Variants in ZNF33A observed in about 807,000 individuals in gnomAD.
ZNF33A encodes zinc finger protein 33A.
Under a neutral mutation model 15.9 loss-of-function variants are expected in ZNF33A, and 9 were observed. That is an observed-to-expected ratio of 0.57 (90% CI 0.34 to 0.99). The LOEUF (loss-of-function observed/expected upper bound fraction) is 0.99. ZNF33A is among the 50% of genes least tolerant of loss of function. The probability of loss-of-function intolerance (pLI) is 0.02; values close to 1 mark genes in which losing one functional copy is unlikely to be tolerated. For synonymous variants in ZNF33A, 294 were observed against 324.2 expected (o/e 0.91, Z 1.00); for missense variants, 843 against 941.6 (o/e 0.90, Z 1.37).
chr10:38,028,178 G>A (rs1198294081), intron 4 of ZNF33A, among the ~76,000 whole-genome samples: 4 of 151,854 alleles, frequency 2.6e-5, no homozygotes, highest in Non-Finnish European at 4.4e-5. Flanking sequence ...TGAGGGAGGA[G>A]GATCCCTTGA....
At chr10:38,063,157 T>C (rs554523824), downstream of ZNF33A, among the ~76,000 whole-genome samples, 1 of 152,266 alleles carries the variant, frequency 6.6e-6, no homozygotes, top group South Asian at 2.1e-4. Context: ...CTGGCATCTT[T>C]GCAGATACAA....
intron 4 of ZNF33A, among the ~76,000 whole-genome samples, chr10:38,036,842 C>T (rs1351042040): frequency 6.6e-6 from 1 of 152,198 alleles, no homozygotes; most frequent in East Asian, 1.9e-4. Flanking sequence ...CTAGAGAACT[C>T]CCAAAACTAT....
Position 38,038,323 on chromosome 10 carries a change from AC to A in ZNF33A, c.251-16050del, listed in dbSNP as rs199942779. Among the ~76,000 whole-genome samples, 460 of 151,784 alleles carry A rather than the reference AC, an allele frequency of 3.0e-3. 5 individuals carry two copies. The highest frequency in any genetic ancestry group is 0.01 in the African/African-American group (433 of 41,362). ...CACCATGTTGGCTGGGCTGGTCTCAACCTCCTGACGTCAGGTGATCCAGCCA... is the reference window on the plus strand; with the variant it reads ...CACCATGTTGGCTGGGCTGGTCTCAACTCCTGACGTCAGGTGATCCAGCCA... On this transcript the variant is annotated intron_variant, in intron 4 of 4. Transcript: ENST00000432900.
intron 4 of ZNF33A, among the ~76,000 whole-genome samples, chr10:38,052,103 A>C (rs2066236080): frequency 6.6e-6 from 1 of 152,156 alleles, no homozygotes; most frequent in Non-Finnish European, 1.5e-5. Flanking sequence ...TGATAGTGTA[A>C]TATATACTAC....
intron 4 of ZNF33A, among the ~76,000 whole-genome samples, chr10:38,047,997 A>G (rs2066031471): frequency 6.6e-6 from 1 of 152,242 alleles, no homozygotes; most frequent in African/African-American, 2.4e-5. Context: ...ATGAGGCAAC[A>G]GAGAAAAGAG....
At chr10:38,010,928 G>A (rs2135515653) in intron 1 of ZNF33A, 145 bp downstream of exon 1, 2 of 974,282 alleles carry the variant, frequency 2.1e-6, no homozygotes, top group Admixed American at 5.0e-5. Flanking sequence ...GCAGCGTGTG[G>A]GCCACGACGC....
At chr10:38,028,461 G>A (rs897955497) in intron 4 of ZNF33A, among the ~76,000 whole-genome samples, 1 of 148,670 alleles carries the variant, frequency 6.7e-6, no homozygotes, top group African/African-American at 2.5e-5. Flanking sequence ...TCTTCTTTGT[G>A]TTTTGTTGAT....
At position 38,055,301 on chromosome 10, in the gene ZNF33A, G is replaced by A. The variant is rs369000281; in HGVS notation, c.1177G>A (p.Ala393Thr). The change falls in exon 5 of 5, where the codon GCC becomes ACC. Residue 393 changes from alanine (A) to threonine (T), a missense_variant. Ala to Thr is a moderately conservative substitution (Grantham distance 58). Coordinates refer to ENST00000432900, the MANE Select transcript of ZNF33A (RefSeq NM_006954.2). Reference protein sequence around the residue: ...KPFECNECGKAFSHKSALTLH... With the variant: ...KPFECNECGKTFSHKSALTLH... The stretch of plus-strand genomic sequence containing the variant: ...TTTTGAATGCAATGAATGTGGGAAA[G>A]CCTTTAGCCATAAGTCAGCCCTCAC... 25 of 1,613,140 alleles carry A rather than the reference G, an allele frequency of 1.5e-5. No individual in the cohort carries two copies. The African/African-American group carries it at 2.8e-4, about 18-fold the overall frequency.
At chr10:38,011,865 C>T (rs1200218933) in intron 1 of ZNF33A, among the ~76,000 whole-genome samples, 1 of 152,136 alleles carries the variant, frequency 6.6e-6, no homozygotes, top group Non-Finnish European at 1.5e-5. Flanking sequence ...GAGTCACTCA[C>T]CAGAGGTTAA....
chr10:38,032,014 T>A (rs2065234523), intron 4 of ZNF33A, among the ~76,000 whole-genome samples: 1 of 152,126 alleles, frequency 6.6e-6, no homozygotes, highest in Non-Finnish European at 1.5e-5. Context: ...TATTGTATAC[T>A]ATTTGTTGAA....
intron 4 of ZNF33A, among the ~76,000 whole-genome samples, chr10:38,036,962 T>C (rs992748386): frequency 5.9e-5 from 9 of 152,208 alleles, no homozygotes; most frequent in African/African-American, 2.2e-4. Context: ...ATGTAAGAGT[T>C]TTTTCCATAT....
chr10:38,065,977 C>T (rs1486943583), downstream of ZNF33A, among the ~76,000 whole-genome samples: 7 of 152,116 alleles, frequency 4.6e-5, no homozygotes, highest in African/African-American at 1.4e-4. Flanking sequence ...CCGACGTGAG[C>T]CACTGCCCCT....
At chr10:38,041,522 AT>A (rs1352229312) in intron 4 of ZNF33A, among the ~76,000 whole-genome samples, 1 of 151,702 alleles carries the variant, frequency 6.6e-6, no homozygotes, top group Non-Finnish European at 1.5e-5. Flanking sequence ...TCTCTTCTCT[AT>A]TTGTTATTTT....
intron 2 of ZNF33A, 75 bp downstream of exon 2, chr10:38,012,425 GTTTTTTTTTT>G: frequency 3.8e-6 from 2 of 527,982 alleles, no homozygotes; most frequent in South Asian, 2.4e-5. Flanking sequence ...TATGGTGTTT[GTTTTTTTTTT>G]TTTTTTTTTT....
At chr10:38,025,040 A>C (rs2064924032) in intron 4 of ZNF33A, among the ~76,000 whole-genome samples, 1 of 152,206 alleles carries the variant, frequency 6.6e-6, no homozygotes, top group African/African-American at 2.4e-5. Flanking sequence ...TGATCTTGTT[A>C]ATCTTTCCCT....
chr10:38,052,433 A>T (rs2066250135), intron 4 of ZNF33A, among the ~76,000 whole-genome samples: 1 of 152,186 alleles, frequency 6.6e-6, no homozygotes, highest in Non-Finnish European at 1.5e-5. Context: ...ACTAGAAACA[A>T]TAACCCACTG....
intron 4 of ZNF33A, among the ~76,000 whole-genome samples, chr10:38,051,542 T>C (rs1256750741): frequency 6.6e-6 from 1 of 152,084 alleles, no homozygotes; most frequent in African/African-American, 2.4e-5. Context: ...TTTTGATGAC[T>C]TAAATGAATT....
chr10:38,056,057 G>A lies in ZNF33A; in HGVS notation c.1933G>A (p.Ala645Thr). 6.2e-7 allele frequency: 1 copy of A among 1,614,030 alleles called. No homozygotes were observed. The highest frequency in any genetic ancestry group is 1.1e-5 in the South Asian group (1 of 91,078). ...CTATAAATGTAATGAGTGTGGAAAA[G>A]CTTTCTGCCATAAGTCAGCTCTAAT... The part of the protein sequence containing the change: ...KPYKCNECGK[A>T]FCHKSALIVH... The change falls in exon 5 of 5, where the codon GCT (alanine) becomes ACT (threonine). Residue 645 changes from alanine to threonine, a missense_variant. Ala to Thr is a moderately conservative substitution (Grantham distance 58). Transcript: ENST00000432900.
rs1462475015 is a variant in ZNF33A at position 38,055,175 on chromosome 10, C to T, written c.1051C>T (p.His351Tyr). ...KSHLTRHQRV[H>Y]TGQKPFQCNE... ...ACATCTCACTCGACATCAGAGGGTG[C>T]ACACAGGACAGAAACCCTTTCAATG... The change falls in exon 5 of 5, where the codon CAC becomes TAC. Residue 351 changes from histidine to tyrosine, a missense_variant. His to Tyr is a moderately conservative substitution (Grantham distance 83). Coordinates refer to ENST00000432900, the MANE Select transcript of ZNF33A (RefSeq NM_006954.2). 6.2e-7 allele frequency: 1 copy of T among 1,613,972 alleles called. No individual in the cohort carries two copies. Among genetic ancestry groups the T allele is most frequent in the Non-Finnish European group, 8.5e-7 (1 of 1,179,980 alleles).
Sources: gnomAD v4.1 joint callset for allele counts (sites outside exome capture counted in the v4.1 genomes callset) on GRCh38, gnomAD v4.1.1 for gene constraint, MANE v1.5 for transcripts, NCBI Gene and HGNC (gene_info 2026-07-23, HGNC 2026-07-21) for gene names.